Variants in UBE2D1 observed in about 807,000 individuals in gnomAD.
UBE2D1 encodes ubiquitin-conjugating enzyme E2 D1.
In UBE2D1, 9 loss-of-function variants were observed where a neutral mutation model predicts 24.6. The observed-to-expected ratio is 0.37, with a 90% CI of 0.22 to 0.64. The LOEUF is 0.64. Among genes scored for constraint, UBE2D1 ranks in the 30% least tolerant of loss-of-function variants. UBE2D1 has a pLI of 0.64. For missense variants in UBE2D1, 87 were observed against 177.1 expected, an observed-to-expected ratio of 0.49 and a Z score of 2.89; for synonymous variants, 57 against 57.6, an observed-to-expected ratio of 0.99 and a Z score of 0.04.
intron 1 of UBE2D1, among the ~76,000 whole-genome samples, chr10:58,336,669 G>A (rs1336312844): frequency 6.6e-6 from 1 of 152,190 alleles, no homozygotes; most frequent in Non-Finnish European, 1.5e-5. Context: ...TGAAGCCTTA[G>A]CATCTTTACC....
chr10:58,341,522 T>A (rs934242183), intron 1 of UBE2D1, among the ~76,000 whole-genome samples: 1 of 152,156 alleles, frequency 6.6e-6, no homozygotes, highest in Non-Finnish European at 1.5e-5. Context: ...AAAAATGAGG[T>A]AACCTATGAC....
intron 3 of UBE2D1, among the ~76,000 whole-genome samples, chr10:58,361,742 A>G (rs1477865099): frequency 2.0e-5 from 3 of 152,022 alleles, no homozygotes; most frequent in East Asian, 1.9e-4. Flanking sequence ...GCTGAATCCT[A>G]GATCATTACA....
chr10:58,354,499 A>G (rs973508361), intron 1 of UBE2D1, among the ~76,000 whole-genome samples: 4 of 152,032 alleles, frequency 2.6e-5, no homozygotes, highest in Admixed American at 2.6e-4. Flanking sequence ...GAATCCAAAG[A>G]ATTGTTTGTT....
At chr10:58,351,622 A>G (rs930783249) in intron 1 of UBE2D1, among the ~76,000 whole-genome samples, 2 of 152,240 alleles carry the variant, frequency 1.3e-5, no homozygotes, top group African/African-American at 4.8e-5. Context: ...AACCTGCCTG[A>G]GTCTGTTTTA....
intron 5 of UBE2D1, among the ~76,000 whole-genome samples, chr10:58,366,955 G>A (rs145504596): frequency 1.3e-5 from 2 of 152,212 alleles, no homozygotes; most frequent in Admixed American, 6.5e-5. Flanking sequence ...GGGGCTGTAA[G>A]TTAGCCCTGA....
intron 5 of UBE2D1, among the ~76,000 whole-genome samples, chr10:58,365,601 G>T (rs1006863165): frequency 6.6e-6 from 1 of 152,142 alleles, no homozygotes; most frequent in African/African-American, 2.4e-5. Flanking sequence ...TTCTTTGCTG[G>T]ATTATCAGGT....
chr10:58,363,959 C>T (rs552203674), intron 4 of UBE2D1, among the ~76,000 whole-genome samples: 1 of 151,446 alleles, frequency 6.6e-6, no homozygotes, highest in Non-Finnish European at 1.5e-5. Context: ...TAGTTTGGGA[C>T]GTTTTTATGA....
intron 1 of UBE2D1, among the ~76,000 whole-genome samples, chr10:58,348,569 G>C (rs16912161): frequency 0.17 from 25,993 of 152,144 alleles, 3,909 homozygotes; most frequent in African/African-American, 0.4. Context: ...TAAGTCAGCC[G>C]CTTGCATGGA....
chr10:58,364,846 C>G lies in UBE2D1; in HGVS notation c.274C>G (p.Gln92Glu). The G allele has an allele frequency of 6.2e-7, 1 of 1,613,586 alleles. No individual in the cohort carries two copies. The highest frequency in any genetic ancestry group is 8.5e-7 in the Non-Finnish European group (1 of 1,179,680). ...TATTTGTCTCGATATTCTGAGGTCA[C>G]AATGGTCACCAGCTCTGACTGTATC... ...GSICLDILRS[Q>E]WSPALTVSKV... The change falls in exon 5 of 7, where the codon CAA (glutamine) becomes GAA (glutamate). Residue 92 changes from glutamine to glutamate, a missense_variant. Coordinates refer to ENST00000373910, the MANE Select transcript of UBE2D1 (RefSeq NM_003338.5).
chr10:58,342,834 GT>G lies in UBE2D1; in HGVS notation c.24+7622del, dbSNP rs775705117. ...ACTTGTTTTTTTTGGTTTTTTTTTT[GT>G]TTTTTTTTTTTTGAGATGAAGTTTG... On this transcript the variant is annotated intron_variant, in intron 1 of 6. Transcript: ENST00000373910. Among the ~76,000 whole-genome samples, 217 of 126,750 alleles carry G rather than the reference GT, an allele frequency of 1.7e-3. 2 individuals are homozygous for G. The South Asian group carries it at 0.024, about 14-fold the overall frequency. The allele number at this position is 126,750 out of a possible 152,430, so 83.2% of individuals were successfully genotyped here.
At chr10:58,356,751 T>C (rs1840135546) in intron 1 of UBE2D1, among the ~76,000 whole-genome samples, 1 of 152,218 alleles carries the variant, frequency 6.6e-6, no homozygotes, top group Admixed American at 6.5e-5. Context: ...TTGACAATGG[T>C]TTGGTCCAGG....
intron 3 of UBE2D1, 97 bp from the exon 4 acceptor site, chr10:58,363,512 G>T: frequency 1.3e-6 from 1 of 774,564 alleles, no homozygotes; most frequent in East Asian, 3.0e-5. Flanking sequence ...AAACATGATG[G>T]CATTTTTTTC....
chr10:58,369,529 A>G lies in UBE2D1; in HGVS notation c.*764A>G, dbSNP rs1287346168. 1 of 152,536 alleles carries G rather than the reference A, an allele frequency of 6.6e-6. No individual in the cohort carries two copies. The highest frequency in any genetic ancestry group is 1.5e-5 in the Non-Finnish European group (1 of 67,856). 9.4% of individuals were successfully genotyped at this position (152,536 alleles called of 1,614,324 possible). Reference sequence around the variant, plus strand: ...TTGAATTTTTTCCTGTATAGGCAATATTATATTGACACCTTTTACAGATCT... The same window carrying G: ...TTGAATTTTTTCCTGTATAGGCAATGTTATATTGACACCTTTTACAGATCT... On this transcript the variant is annotated 3_prime_UTR_variant, in exon 7 of 7. Transcript: ENST00000373910.
chr10:58,354,113 A>G (rs1310363709), intron 1 of UBE2D1, among the ~76,000 whole-genome samples: 5 of 152,184 alleles, frequency 3.3e-5, no homozygotes, highest in Non-Finnish European at 7.3e-5. Flanking sequence ...TTACCTATGT[A>G]TTTTTATACA....
At chr10:58,340,887 CAT>C (rs1170035226) in intron 1 of UBE2D1, among the ~76,000 whole-genome samples, 1 of 152,142 alleles carries the variant, frequency 6.6e-6, no homozygotes, top group Non-Finnish European at 1.5e-5. Context: ...AACTGGAAGA[CAT>C]AGAGTCAAAT....
chr10:58,362,401 T>G (rs921091694), intron 3 of UBE2D1, among the ~76,000 whole-genome samples: 2 of 152,216 alleles, frequency 1.3e-5, no homozygotes, highest in Non-Finnish European at 2.9e-5. Context: ...CTCAAATTAT[T>G]GTTTTATTAA....
intron 1 of UBE2D1, among the ~76,000 whole-genome samples, chr10:58,354,943 ATAAC>A (rs1445861570): frequency 6.6e-6 from 1 of 152,258 alleles, no homozygotes; most frequent in Non-Finnish European, 1.5e-5. Flanking sequence ...TTTGTGAAAA[ATAAC>A]TATATTTTCC....
At chr10:58,366,627 A>G (rs181119449) in intron 5 of UBE2D1, among the ~76,000 whole-genome samples, 107 of 152,316 alleles carry the variant, frequency 7.0e-4, no homozygotes, top group African/African-American at 2.3e-3. Context: ...TTAATTAAAT[A>G]TAGACAGAGT....
At chr10:58,347,737 T>C (rs1225213404) in intron 1 of UBE2D1, among the ~76,000 whole-genome samples, 5 of 146,404 alleles carry the variant, frequency 3.4e-5, no homozygotes, top group African/African-American at 1.3e-4. Flanking sequence ...AACCTCCGCC[T>C]CCTGGGTTCA....
Sources: allele counts gnomAD v4.1 joint callset (sites outside exome capture counted in the v4.1 genomes callset), GRCh38; gene constraint gnomAD v4.1.1; transcripts MANE v1.5; gene names NCBI Gene and HGNC (gene_info 2026-07-23, HGNC 2026-07-21).